The following OPHN1 variants were observed in gnomAD, a reference collection of about 807,000 sequenced individuals.
OPHN1 encodes oligophrenin 1.
A neutral mutation model predicts 60.7 loss-of-function variants in OPHN1; 11 were observed. The ratio of observed to expected loss-of-function variants is 0.18; its 90% CI spans 0.11 to 0.30. The LOEUF is 0.30. Ranked by LOEUF, OPHN1 falls within the 10% of genes least tolerant of loss-of-function variation. The pLI is 1.00. For missense variants in OPHN1, 449 were observed against 611.0 expected, an observed-to-expected ratio of 0.73 and a Z score of 2.80; for synonymous variants, 226 against 222.6, an observed-to-expected ratio of 1.02 and a Z score of -0.14.
chrX:68,277,583 G>A (rs974958763), intron 4 of OPHN1, among the ~76,000 whole-genome samples: 2 of 111,750 alleles, frequency 1.8e-5, no homozygotes, highest in African/African-American at 6.5e-5. Context: ...TAAGGTCAGG[G>A]GTTCGAGACC....
chrX:68,051,073 T>G (rs1340464731), intron 23 of OPHN1, among the ~76,000 whole-genome samples: 1 of 111,804 alleles, frequency 8.9e-6, no homozygotes, highest in African/African-American at 3.3e-5. Context: ...TAGAATGAAC[T>G]GCTGTGCAGA....
chrX:68,086,255 A>C (rs1240032228), intron 19 of OPHN1, among the ~76,000 whole-genome samples: 1 of 111,000 alleles, frequency 9.0e-6, no homozygotes, highest in East Asian at 2.8e-4. Context: ...TAAAGGGTCA[A>C]ATACTAGGTG....
intron 2 of OPHN1, among the ~76,000 whole-genome samples, chrX:68,319,218 G>A (rs2078223720): frequency 8.9e-6 from 1 of 111,909 alleles, no homozygotes; most frequent in Non-Finnish European, 1.9e-5. Flanking sequence ...TTGAATGGAG[G>A]AAATATTACT....
chrX:68,070,714 C>G (rs760160104), intron 20 of OPHN1: 149 of 1,088,219 alleles, frequency 1.4e-4, no homozygotes, highest in Non-Finnish European at 1.9e-4. Context: ...TCCATGAGGG[C>G]TTTGGTTCCC....
intron 15 of OPHN1, among the ~76,000 whole-genome samples, chrX:68,140,961 T>C (rs1346129971): frequency 8.9e-6 from 1 of 111,784 alleles, no homozygotes; most frequent in African/African-American, 3.3e-5. Flanking sequence ...AAGCCACTTT[T>C]ATCGCCCAAT....
At chrX:68,324,819 A>C (rs1202770825) in intron 2 of OPHN1, among the ~76,000 whole-genome samples, 3 of 107,839 alleles carry the variant, frequency 2.8e-5, no homozygotes, top group Non-Finnish European at 5.7e-5. Flanking sequence ...AGGTGGGAGG[A>C]TTGCTTGAGC....
At chrX:68,245,138 A>C in intron 5 of OPHN1, among the ~76,000 whole-genome samples, 1 of 111,488 alleles carries the variant, frequency 9.0e-6, no homozygotes, top group East Asian at 2.8e-4. Context: ...AAAGGCACTA[A>C]GGAAATGCTT....
At chrX:68,300,398 T>G (rs745937883) in intron 2 of OPHN1, among the ~76,000 whole-genome samples, 1 of 112,751 alleles carries the variant, frequency 8.9e-6, no homozygotes, top group Non-Finnish European at 1.9e-5. Context: ...TGTCTCATTT[T>G]CAGAAATACT....
chrX:68,132,943 G>A (rs892229301), intron 15 of OPHN1: 3 of 408,986 alleles, frequency 7.3e-6, no homozygotes, highest in African/African-American at 5.1e-5. Context: ...CGAAGCAGCC[G>A]TGCTGCACCC....
chrX:68,214,212 G>GA (rs756699992), intron 6 of OPHN1, among the ~76,000 whole-genome samples: 56 of 111,963 alleles, frequency 5.0e-4, no homozygotes, highest in Non-Finnish European at 9.6e-4. Flanking sequence ...CTGACAAAAA[G>GA]AAAAAAGCTG....
intron 10 of OPHN1, among the ~76,000 whole-genome samples, chrX:68,203,037 T>C (rs982168922): frequency 9.1e-6 from 1 of 109,603 alleles, no homozygotes; most frequent in Non-Finnish European, 1.9e-5. Flanking sequence ...GGCAGGTGGA[T>C]CACCTGAGGT....
rs1423162365 is a variant in OPHN1, at chrX:68,044,655, C to T, written c.*2517G>A. The T allele has an allele frequency of 1.8e-5, 2 of 112,567 alleles. No homozygotes were observed. The highest frequency in any genetic ancestry group is 1.9e-5 in the Non-Finnish European group (1 of 53,344). 9.3% of individuals were successfully genotyped at this position (112,567 alleles called of 1,213,427 possible). ...TCTCATTCCATGATAGCATGCCTCG[C>T]CACAGAAGCTTTTTGCACTTTAAGT... On this transcript the variant is annotated 3_prime_UTR_variant, in exon 25 of 25. Coordinates refer to ENST00000355520, the MANE Select transcript of OPHN1 (RefSeq NM_002547.3).
intron 19 of OPHN1, among the ~76,000 whole-genome samples, chrX:68,077,315 C>T (rs1415715064): frequency 9.0e-6 from 1 of 110,914 alleles, no homozygotes; most frequent in Non-Finnish European, 1.9e-5. Context: ...ATAGGCAAGA[C>T]CTCTGATCTC....
chrX:68,110,562 T>C, intron 18 of OPHN1, among the ~76,000 whole-genome samples: 1 of 111,996 alleles, frequency 8.9e-6, no homozygotes, highest in East Asian at 2.8e-4. Context: ...GAACTTTCTC[T>C]AGGTCACACA....
At chrX:68,253,053 A>T (rs1225871028) in intron 5 of OPHN1, among the ~76,000 whole-genome samples, 4 of 104,352 alleles carry the variant, frequency 3.8e-5, no homozygotes, top group Non-Finnish European at 7.7e-5. Flanking sequence ...ACAAGCAAGT[A>T]AAAAAAAAAG....
At chrX:68,219,368 C>G (rs2077638019) in intron 6 of OPHN1, among the ~76,000 whole-genome samples, 1 of 95,984 alleles carries the variant, frequency 1.0e-5, no homozygotes, top group Non-Finnish European at 2.1e-5. Context: ...TTAGACAGAT[C>G]AAAGAGACAG....
intron 15 of OPHN1, among the ~76,000 whole-genome samples, chrX:68,136,036 T>C (rs901892808): frequency 2.7e-5 from 3 of 111,703 alleles, no homozygotes; most frequent in Non-Finnish European, 5.6e-5. Context: ...CATTCCTTCC[T>C]TAAGCAAATA....
At chrX:68,318,115 G>C (rs946723897) in intron 2 of OPHN1, among the ~76,000 whole-genome samples, 4 of 111,663 alleles carry the variant, frequency 3.6e-5, no homozygotes, top group African/African-American at 1.3e-4. Context: ...AATCGTATTT[G>C]TATATACTAG....
intron 2 of OPHN1, among the ~76,000 whole-genome samples, chrX:68,408,524 A>C (rs2078754632): frequency 2.7e-5 from 3 of 112,421 alleles, no homozygotes; most frequent in South Asian, 7.4e-4. Context: ...CCGTTTTTGG[A>C]AAGGCAAGCC....
Sources: allele counts gnomAD v4.1 joint callset (sites outside exome capture counted in the v4.1 genomes callset), GRCh38; gene constraint gnomAD v4.1.1; transcripts MANE v1.5; gene names NCBI Gene and HGNC (gene_info 2026-07-23, HGNC 2026-07-21).